The following PIEZO1 variants were observed in gnomAD, a reference collection of about 807,000 sequenced individuals.
PIEZO1 encodes the protein piezo type mechanosensitive ion channel component 1 (Er blood group), also known as piezo-type mechanosensitive ion channel component 1.
A neutral mutation model predicts 297.2 loss-of-function variants in PIEZO1; 296 were observed. The observed-to-expected ratio is 1.00, with a 90% CI of 0.91 to 1.10. PIEZO1 has a LOEUF of 1.10. Among genes scored for constraint, PIEZO1 ranks in the 50% least tolerant of loss-of-function variants. The pLI, the probability that PIEZO1 is intolerant of heterozygous loss-of-function variation, is 0.00. For synonymous variants in PIEZO1, 2,427 were observed against 1,507.5 expected, an observed-to-expected ratio of 1.61 and a Z score of -14.13; for missense variants, 5,018 against 3,455.5, an observed-to-expected ratio of 1.45 and a Z score of -11.34.
At chr16:88,746,832 T>C (rs1465305385) in intron 2 of PIEZO1, among the ~76,000 whole-genome samples, 1 of 152,132 alleles carries the variant, frequency 6.6e-6, no homozygotes, top group African/African-American at 2.4e-5. Flanking sequence ...AATTGCGCCC[T>C]GGGCATGAAA....
At chr16:88,742,006 A>C (rs1194509862) in intron 4 of PIEZO1, 47 bp downstream of exon 4, 1 of 1,528,974 alleles carries the variant, frequency 6.5e-7, no homozygotes, top group South Asian at 1.2e-5. Flanking sequence ...GGGGCCTGAA[A>C]TCCCCAAGGG....
intron 1 of PIEZO1, among the ~76,000 whole-genome samples, chr16:88,782,779 A>G (rs1487153467): frequency 6.6e-6 from 1 of 152,234 alleles, no homozygotes; most frequent in Non-Finnish European, 1.5e-5. Flanking sequence ...GAACCTGCAC[A>G]TCGCGGGTCC....
intron 1 of PIEZO1, among the ~76,000 whole-genome samples, chr16:88,760,773 CGCA>C (rs1448311889): frequency 6.6e-6 from 1 of 152,176 alleles, no homozygotes. Context: ...CCGCCTTCGA[CGCA>C]GCAGGAGGTA....
Position 88,723,370 on chromosome 16 carries a change from A to G in PIEZO1, c.4336-42T>C, listed in dbSNP as rs563057131. ...GGGTTAGGACCCGGCCTCCCGAGCC[A>G]TCAGACCCAGGCGGGAAGCTGGGGT... On this transcript the variant is annotated intron_variant, in intron 31 of 50. Coordinates refer to ENST00000301015, the MANE Select transcript of PIEZO1 (RefSeq NM_001142864.4). 29 of 1,534,090 alleles carry G rather than the reference A, an allele frequency of 1.9e-5. 1 individual carries two copies. The South Asian group carries it at 2.5e-4, about 13-fold the overall frequency.
In PIEZO1 at chr16:88,721,786, CT is replaced by C. The variant is rs895730757; in HGVS notation, c.5214+21del. On this transcript the variant is annotated intron_variant, in intron 37 of 50. Coordinates refer to ENST00000301015, the MANE Select transcript of PIEZO1 (RefSeq NM_001142864.4). Reference sequence around the variant, plus strand: ...CACGGCGCGGTGGGCCGGGCGCCCCCTCCCCCGCGGCCTCGGCCCACCTCGG... The same window carrying C: ...CACGGCGCGGTGGGCCGGGCGCCCCCCCCCCGCGGCCTCGGCCCACCTCGG... The C allele has an allele frequency of 1.2e-5, 19 of 1,537,972 alleles. No individual in the cohort carries two copies. The African/African-American group carries it at 2.6e-4, about 21-fold the overall frequency.
rs1447905216 is a variant in PIEZO1 at position 88,717,227 on chromosome 16, A to C, written c.6472-16T>G. On this transcript the variant is annotated splice_polypyrimidine_tract_variant and intron_variant, in intron 44 of 50. Transcript: ENST00000301015. ...GCGGGTATTTCTGGAGGGGAACGAC[A>C]CAGGTCATACGCTCAGCTCTGCCCT... 2.1e-5 allele frequency: 32 copies of C among 1,543,762 alleles called. No homozygotes were observed. The highest frequency in any genetic ancestry group is 2.4e-5 in the Non-Finnish European group (28 of 1,145,596).
At chr16:88,724,984 C>G (rs1597448111) in intron 30 of PIEZO1, 25 bp downstream of exon 30, 1 of 1,422,654 alleles carries the variant, frequency 7.0e-7, no homozygotes, top group Non-Finnish European at 9.3e-7. Context: ...GAGAGGGTGG[C>G]CACAGGCGGC....
chr16:88,715,721 T>C lies in PIEZO1; in HGVS notation c.7450A>G (p.Ile2484Val), dbSNP rs1597438347. 1.9e-6 allele frequency: 3 copies of C among 1,550,428 alleles called. No homozygotes were observed. The highest frequency in any genetic ancestry group is 2.6e-6 in the Non-Finnish European group (3 of 1,146,930). Reference protein sequence around the residue: ...VDRILKLCQDIFLVRETRELE... With the variant: ...VDRILKLCQDVFLVRETRELE... The stretch of plus-strand genomic sequence containing the variant: ...TCCCGAGTCTCCCGCACCAGGAAGA[T>C]GTCCTGGCAGAGCTTGAGGATGCGG... The change falls in exon 51 of 51, where the codon ATC (isoleucine) becomes GTC (valine). Residue 2484 changes from isoleucine (I) to valine (V), a missense_variant. Physicochemically the swap from Ile to Val is conservative, Grantham distance 29. Coordinates refer to ENST00000301015, the MANE Select transcript of PIEZO1 (RefSeq NM_001142864.4).
chr16:88,723,739 G>A (rs8056374), intron 31 of PIEZO1, 132 bp downstream of exon 31: 10 of 622,760 alleles, frequency 1.6e-5, no homozygotes, highest in Non-Finnish European at 2.3e-5. Flanking sequence ...TGGATGGGGC[G>A]GGGTGGGCTA....
chr16:88,752,613 G>A (rs954689396), intron 1 of PIEZO1, among the ~76,000 whole-genome samples: 17 of 152,088 alleles, frequency 1.1e-4, no homozygotes, highest in South Asian at 6.2e-4. Flanking sequence ...GGGTGCAGGG[G>A]CTGAGGATGG....
rs949379830 is a variant in PIEZO1 at position 88,734,950 on chromosome 16, G to A, written c.1773C>T (p.Val591=). 5.2e-6 allele frequency: 8 copies of A among 1,550,398 alleles called. No homozygotes were observed. Among genetic ancestry groups the A allele is most frequent in the Middle Eastern group, 1.7e-4 (1 of 6,014 alleles). The change falls in exon 14 of 51, where the codon GTC becomes GTT. Residue 591 remains valine (V), a synonymous_variant. Coordinates refer to ENST00000301015, the MANE Select transcript of PIEZO1 (RefSeq NM_001142864.4). ...AGACCACGAGGCGGCCGGCGAAGCT[G>A]ACCACGATGAACATGCCAGCACACA... ...IYVCAGMFIV[V]SFAGRLVVYK... is the part of the protein sequence containing the mutation.
At chr16:88,784,794 C>A (rs982094611) in intron 1 of PIEZO1, 107 bp downstream of exon 1, 9 of 795,520 alleles carry the variant, frequency 1.1e-5, no homozygotes, top group South Asian at 2.7e-5. Context: ...TTTCCGCGCC[C>A]GCTCGCCCGC....
intron 1 of PIEZO1, among the ~76,000 whole-genome samples, chr16:88,770,027 A>C (rs1019314372): frequency 1.3e-5 from 2 of 152,218 alleles, no homozygotes; most frequent in Non-Finnish European, 2.9e-5. Flanking sequence ...TGCCCCTGAG[A>C]GAGGAAGTGA....
intron 1 of PIEZO1, among the ~76,000 whole-genome samples, chr16:88,783,650 T>C (rs1007575851): frequency 6.6e-6 from 1 of 152,192 alleles, no homozygotes; most frequent in Non-Finnish European, 1.5e-5. Context: ...CATCTGACCC[T>C]GCACTGGGAG....
rs3043600 is a variant in PIEZO1 at position 88,735,854 on chromosome 16, TCACA to T, written c.1557+290_1557+293del. On this transcript the variant is annotated intron_variant, in intron 12 of 50. Coordinates refer to ENST00000301015, the MANE Select transcript of PIEZO1 (RefSeq NM_001142864.4). ...CTGTGCCAATGGGCATAGCCCATGCTCACACACAGTGTCGGGGCACAGGGGTGGT... is the reference window on the plus strand; with the variant it reads ...CTGTGCCAATGGGCATAGCCCATGCTCACAGTGTCGGGGCACAGGGGTGGT... Among the ~76,000 whole-genome samples, 1,387 of 152,262 alleles carry T rather than the reference TCACA, an allele frequency of 9.1e-3. 22 individuals carry two copies. Among genetic ancestry groups the T allele is most frequent in the African/African-American group, 0.03 (1,265 of 41,562 alleles).
chr16:88,758,836 A>G (rs1435904125), intron 1 of PIEZO1, among the ~76,000 whole-genome samples: 1 of 152,260 alleles, frequency 6.6e-6, no homozygotes, highest in Non-Finnish European at 1.5e-5. Context: ...AGTGCCTGAC[A>G]CATAGCATGA....
Position 88,716,101 on chromosome 16 carries a change from A to G in PIEZO1, c.7148T>C (p.Leu2383Pro). Residue 2383 changes from leucine to proline, a missense_variant, in exon 50 of 51, where the codon CTC (leucine) becomes CCC (proline). Physicochemically the swap from Leu to Pro is moderately conservative, Grantham distance 98. Transcript: ENST00000301015. ...QLQPNEEADY[L>P]GVRIQLRREQ... The stretch of plus-strand genomic sequence containing the variant: ...CCTCCGCAGCTGGATACGCACGCCG[A>G]GGTAGTCGGCCTCCTCATCTGGGAT... The G allele has an allele frequency of 6.5e-7, 1 of 1,547,450 alleles. No individual in the cohort carries two copies. Among genetic ancestry groups the G allele is most frequent in the Non-Finnish European group, 8.7e-7 (1 of 1,145,138 alleles).
chr16:88,748,794 G>A lies in PIEZO1; in HGVS notation c.160+590C>T, dbSNP rs536344925. On this transcript the variant is annotated intron_variant, in intron 2 of 50. Coordinates refer to ENST00000301015, the MANE Select transcript of PIEZO1 (RefSeq NM_001142864.4). Reference sequence around the variant, plus strand: ...AAATAAGAAACTTTGATGGCTGGGCGTGGTGGCTCACACCTGTAATTGCAG... The same window carrying A: ...AAATAAGAAACTTTGATGGCTGGGCATGGTGGCTCACACCTGTAATTGCAG... Among the ~76,000 whole-genome samples, 264 of 152,196 alleles carry A rather than the reference G, an allele frequency of 1.7e-3. 1 individual carries two copies. The highest frequency in any genetic ancestry group is 0.01 in the Middle Eastern group (3 of 294).
intron 45 of PIEZO1, 54 bp from the exon 46 acceptor site, chr16:88,716,952 G>C: frequency 6.5e-7 from 1 of 1,544,494 alleles, no homozygotes; most frequent in East Asian, 2.4e-5. Context: ...AGGAGCGGCT[G>C]GGGGTGGTGC....
Sources: allele counts gnomAD v4.1 joint callset (sites outside exome capture counted in the v4.1 genomes callset), GRCh38; gene constraint gnomAD v4.1.1; transcripts MANE v1.5; gene names NCBI Gene and HGNC (gene_info 2026-07-23, HGNC 2026-07-21).